The following OPCML variants were observed in gnomAD, a reference collection of about 807,000 sequenced individuals.
The protein encoded by OPCML is opioid binding protein/cell adhesion molecule like, also known as opioid-binding protein/cell adhesion molecule.
Under a neutral mutation model 37.8 loss-of-function variants are expected in OPCML, and 13 were observed. The ratio of observed to expected loss-of-function variants is 0.34; its 90% confidence interval spans 0.22 to 0.55. The LOEUF (loss-of-function observed/expected upper bound fraction) is 0.55, where lower values mean the gene tolerates loss of function less well. OPCML is among the 20% of genes least tolerant of loss of function. The pLI is 0.91. For synonymous variants in OPCML, 176 were observed against 168.8 expected (o/e 1.04, Z -0.33); for missense variants, 341 against 435.6 (o/e 0.78, Z 1.93).
chr11:132,513,514 T>C (rs1486889282), intron 4 of OPCML, among the ~76,000 whole-genome samples: 1 of 152,170 alleles, frequency 6.6e-6, no homozygotes, highest in Non-Finnish European at 1.5e-5. Flanking sequence ...GAGTTCAACT[T>C]TATTTGGATT....
At chr11:132,574,225 T>C (rs2096444756) in intron 3 of OPCML, among the ~76,000 whole-genome samples, 1 of 150,624 alleles carries the variant, frequency 6.6e-6, no homozygotes, top group Non-Finnish European at 1.5e-5. Flanking sequence ...ATTTTGTTTA[T>C]TTCTGCTCTA....
chr11:133,452,377 T>C (rs1025204487), intron 1 of OPCML, among the ~76,000 whole-genome samples: 2 of 151,642 alleles, frequency 1.3e-5, no homozygotes, highest in Non-Finnish European at 2.9e-5. Flanking sequence ...TTAAAAATAG[T>C]TCTTTTAAGA....
At chr11:132,837,068 A>G (rs2136292690) in intron 2 of OPCML, among the ~76,000 whole-genome samples, 1 of 152,286 alleles carries the variant, frequency 6.6e-6, no homozygotes. Flanking sequence ...TAAACCCAGC[A>G]CTTTGAAAGG....
At chr11:132,631,582 C>T (rs1940132748) in intron 3 of OPCML, among the ~76,000 whole-genome samples, 1 of 150,966 alleles carries the variant, frequency 6.6e-6, no homozygotes, top group Non-Finnish European at 1.5e-5. Context: ...GCCTCAGCCT[C>T]CCGAGTAGCT....
intron 1 of OPCML, among the ~76,000 whole-genome samples, chr11:133,194,406 C>T (rs554014082): frequency 6.4e-4 from 98 of 152,174 alleles, no homozygotes; most frequent in African/African-American, 2.3e-3. Flanking sequence ...TATGGGGTTT[C>T]TCCATGTTGG....
At chr11:132,839,326 G>A (rs546705362) in intron 2 of OPCML, among the ~76,000 whole-genome samples, 3 of 152,156 alleles carry the variant, frequency 2.0e-5, no homozygotes, top group African/African-American at 7.2e-5. Flanking sequence ...ACAGGGGAAC[G>A]CTAGAACCCT....
At chr11:133,380,108 C>T (rs1052836072) in intron 1 of OPCML, among the ~76,000 whole-genome samples, 14 of 152,104 alleles carry the variant, frequency 9.2e-5, no homozygotes, top group Non-Finnish European at 1.6e-4. Context: ...ATGTTGCTTA[C>T]GATCTGCTGG....
At chr11:133,008,455 T>C in intron 1 of OPCML, 1 of 981,452 alleles carries the variant, frequency 1.0e-6, no homozygotes, top group African/African-American at 1.8e-5. Flanking sequence ...GTAGATGCCA[T>C]GATGCAGTCC....
At chr11:133,039,402 C>A (rs1274539335) in intron 1 of OPCML, among the ~76,000 whole-genome samples, 3 of 152,138 alleles carry the variant, frequency 2.0e-5, no homozygotes, top group African/African-American at 7.2e-5. Flanking sequence ...CTCCTCATGC[C>A]TTCCAAAGCC....
intron 1 of OPCML, among the ~76,000 whole-genome samples, chr11:133,153,290 G>A (rs1290221634): frequency 6.6e-6 from 1 of 151,602 alleles, no homozygotes; most frequent in African/African-American, 2.4e-5. Context: ...CCACGGGGAG[G>A]GCTTATGGCT....
chr11:132,589,419 A>T (rs1426288153), intron 3 of OPCML, among the ~76,000 whole-genome samples: 1 of 152,254 alleles, frequency 6.6e-6, no homozygotes, highest in Non-Finnish European at 1.5e-5. Flanking sequence ...AACTAGAATT[A>T]TCTAGCTGAG....
intron 2 of OPCML, among the ~76,000 whole-genome samples, chr11:132,863,877 A>G (rs536372532): frequency 1.3e-5 from 2 of 152,260 alleles, no homozygotes; most frequent in East Asian, 3.9e-4. Context: ...TGCTGAACCT[A>G]AGCAGGAAAA....
chr11:133,140,901 C>T lies in OPCML; in HGVS notation c.62-197891G>A, dbSNP rs62637823. ...AAGACGACGACGACGACGAAGACGA[C>T]GACGACGAAGAAGAAGAAGACGACG... On this transcript the variant is annotated intron_variant, in intron 1 of 7. Coordinates refer to ENST00000524381, the MANE Select transcript of OPCML (RefSeq NM_001012393.5). Among the ~76,000 whole-genome samples the T allele has an allele frequency of 6.5e-4, 2 of 3,068 alleles. 1 individual carries two copies. The highest frequency in any genetic ancestry group is 8.8e-4 in the African/African-American group (2 of 2,260). The allele number at this position is 3,068 out of a possible 152,430, so 2.0% of individuals were successfully genotyped here.
intron 4 of OPCML, among the ~76,000 whole-genome samples, chr11:132,514,588 T>C (rs2096275758): frequency 6.6e-6 from 1 of 152,170 alleles, no homozygotes; most frequent in African/African-American, 2.4e-5. Context: ...CTGAAGCTTC[T>C]TTACTCCTTA....
intron 1 of OPCML, among the ~76,000 whole-genome samples, chr11:133,238,565 A>G (rs1276362709): frequency 6.6e-6 from 1 of 152,178 alleles, no homozygotes; most frequent in East Asian, 1.9e-4. Context: ...TTCTGCTGAC[A>G]GCGTTGGCTT....
chr11:132,525,520 A>G (rs2137271690), intron 4 of OPCML, among the ~76,000 whole-genome samples: 1 of 152,306 alleles, frequency 6.6e-6, no homozygotes, highest in African/African-American at 2.4e-5. Context: ...TGTTGAATCC[A>G]TCAACAAATT....
chr11:132,946,843 C>T (rs1169474682), intron 1 of OPCML, among the ~76,000 whole-genome samples: 5 of 152,162 alleles, frequency 3.3e-5, no homozygotes, highest in South Asian at 4.1e-4. Context: ...TGAGTGAACC[C>T]GGGTTTCCTG....
chr11:132,884,974 G>A (rs185947467), intron 2 of OPCML, among the ~76,000 whole-genome samples: 19 of 152,250 alleles, frequency 1.2e-4, no homozygotes, highest in Admixed American at 1.0e-3. Flanking sequence ...AATTAGAGCC[G>A]AGTCCAAGCT....
chr11:132,826,412 C>T (rs939354746), intron 2 of OPCML, among the ~76,000 whole-genome samples: 4 of 152,154 alleles, frequency 2.6e-5, no homozygotes. Context: ...GGGATGGTGA[C>T]AGTTTCCTTT....
Sources: gnomAD v4.1 joint callset for allele counts (sites outside exome capture counted in the v4.1 genomes callset) on GRCh38, gnomAD v4.1.1 for gene constraint, MANE v1.5 for transcripts, NCBI Gene and HGNC (gene_info 2026-07-23, HGNC 2026-07-21) for gene names.